Variants in ITGAM observed in about 807,000 individuals in gnomAD.
ITGAM encodes the protein integrin subunit alpha M.
In ITGAM, 79 loss-of-function variants were observed where a neutral mutation model predicts 137.5. The observed-to-expected ratio is 0.57, with a 90% CI of 0.48 to 0.69. The LOEUF is 0.69. Ranked by LOEUF, ITGAM falls within the 30% of genes least tolerant of loss-of-function variation. ITGAM has a pLI of 0.00. For missense variants in ITGAM, 1,343 were observed against 1,483.5 expected, an observed-to-expected ratio of 0.91 and a Z score of 1.56; for synonymous variants, 583 against 592.3, an observed-to-expected ratio of 0.98 and a Z score of 0.23.
intron 14 of ITGAM, among the ~76,000 whole-genome samples, chr16:31,310,726 C>T (rs546182187): frequency 1.3e-5 from 2 of 152,276 alleles, no homozygotes; most frequent in East Asian, 3.9e-4. Flanking sequence ...AGCTTTGTTC[C>T]GTTGCTGGTG....
At chr16:31,321,166 A>G in intron 14 of ITGAM, 75 bp from the exon 15 acceptor site, 1 of 1,544,110 alleles carries the variant, frequency 6.5e-7, no homozygotes, top group South Asian at 1.2e-5. Flanking sequence ...TGTCTGGGCC[A>G]TGCTGGATGA....
In ITGAM at chr16:31,297,654, G is replaced by C; in HGVS notation, c.1497G>C (p.Gly499=). 1 of 1,612,292 alleles carries C rather than the reference G, an allele frequency of 6.2e-7. No homozygotes were observed. The highest frequency in any genetic ancestry group is 8.5e-7 in the Non-Finnish European group (1 of 1,179,412). ...TGTCCGTGTGCCCCTTGCCCAGGGG[G>C]GTGAGTGGCAATGGGACCTGGGCTG... ...GQVSVCPLPR[G]RARWQCDAVL... Residue 499 remains glycine (G), a splice_region_variant and synonymous_variant, in exon 13 of 30, where the codon GGG becomes GGC. Coordinates refer to ENST00000544665, the MANE Select transcript of ITGAM (RefSeq NM_000632.4).
intron 12 of ITGAM, among the ~76,000 whole-genome samples, chr16:31,292,051 C>G (rs190628044): frequency 1.3e-5 from 2 of 151,834 alleles, no homozygotes; most frequent in Non-Finnish European, 2.9e-5. Flanking sequence ...CACATGTTCC[C>G]TATAAATATG....
At chr16:31,271,116 C>A (rs2079834990) in intron 6 of ITGAM, 32 bp downstream of exon 6, 3 of 1,473,924 alleles carry the variant, frequency 2.0e-6, no homozygotes, top group African/African-American at 2.8e-5. Flanking sequence ...AGGGAAGAGC[C>A]CACACGGGGC....
At chr16:31,326,395 C>T (rs2080508575) in intron 21 of ITGAM, among the ~76,000 whole-genome samples, 1 of 152,006 alleles carries the variant, frequency 6.6e-6, no homozygotes, top group African/African-American at 2.4e-5. Flanking sequence ...TACCTCATTG[C>T]TTTAAAAAAA....
intron 14 of ITGAM, among the ~76,000 whole-genome samples, chr16:31,316,316 G>A (rs1173968110): frequency 6.6e-6 from 1 of 151,026 alleles, no homozygotes; most frequent in Non-Finnish European, 1.5e-5. Flanking sequence ...GAACCTGGGA[G>A]GAAGAGGTTG....
At chr16:31,276,896 A>C (rs1237567608) in intron 10 of ITGAM, 24 bp from the exon 11 acceptor site, 1 of 1,604,182 alleles carries the variant, frequency 6.2e-7, no homozygotes, top group African/African-American at 1.3e-5. Context: ...CTTCCTCATC[A>C]ACCCTGTTCT....
At chr16:31,311,668 C>T (rs1331783835) in intron 14 of ITGAM, among the ~76,000 whole-genome samples, 3 of 152,118 alleles carry the variant, frequency 2.0e-5, no homozygotes, top group Non-Finnish European at 4.4e-5. Flanking sequence ...GAAATAGGAA[C>T]ACTTTTACAC....
At position 31,277,083 on chromosome 16, in the gene ITGAM, G is replaced by A. The variant is rs543274791; in HGVS notation, c.1213+34G>A. On this transcript the variant is annotated intron_variant, in intron 11 of 29. Transcript: ENST00000544665. ...GGAGGGCAAGGGTTACTCTAAGAAG[G>A]GGTGAGGATTTGGCATAAGTCAACT... is the stretch of plus-strand genomic sequence containing the variant. 3.8e-6 allele frequency: 6 copies of A among 1,578,516 alleles called. No homozygotes were observed. In the South Asian group the frequency reaches 4.7e-5, roughly 12 times the overall value.
intron 12 of ITGAM, among the ~76,000 whole-genome samples, chr16:31,281,993 G>A (rs2079974559): frequency 6.6e-6 from 1 of 152,170 alleles, no homozygotes; most frequent in Non-Finnish European, 1.5e-5. Flanking sequence ...AGTCATTCAG[G>A]AGCAGGTTGT....
chr16:31,327,175 G>T (rs1202213082), intron 22 of ITGAM, among the ~76,000 whole-genome samples: 1 of 152,200 alleles, frequency 6.6e-6, no homozygotes, highest in Non-Finnish European at 1.5e-5. Context: ...GGCAAAGACA[G>T]ACAAGAAATC....
At chr16:31,285,802 CTTT>C (rs909613572) in intron 12 of ITGAM, among the ~76,000 whole-genome samples, 1 of 143,666 alleles carries the variant, frequency 7.0e-6, no homozygotes. Flanking sequence ...TTTTCTCTCT[CTTT>C]TTTTTTTTTT....
intron 12 of ITGAM, among the ~76,000 whole-genome samples, chr16:31,282,673 A>G (rs1272166713): frequency 5.3e-5 from 8 of 152,098 alleles, no homozygotes; most frequent in Non-Finnish European, 8.8e-5. Context: ...TCTTTATCCA[A>G]TTTGCCAGTC....
rs748878786 is a variant in ITGAM at position 31,328,109 on chromosome 16, T to TTG, written c.2709-37_2709-36insGT. The TTG allele has an allele frequency of 7.2e-6, 11 of 1,520,872 alleles. No homozygotes were observed. In the Admixed American group the frequency reaches 1.8e-4, roughly 25 times the overall value. 94.2% of individuals were successfully genotyped at this position (1,520,872 alleles called of 1,614,324 possible). On this transcript the variant is annotated intron_variant, in intron 22 of 29. Transcript: ENST00000544665. ...GGGAGGAGCAAAGACTAACTGTCAG[T>TTG]TCTCAAGAGCCGGCTGGAGCTCTTT...
chr16:31,325,644 C>T, intron 21 of ITGAM, 22 bp downstream of exon 21: 1 of 1,599,920 alleles, frequency 6.3e-7, no homozygotes, highest in East Asian at 2.2e-5. Flanking sequence ...TGGCTCCTCC[C>T]CTCCTTTTCT....
At chr16:31,274,222 A>G (rs1261280151) in intron 8 of ITGAM, among the ~76,000 whole-genome samples, 1 of 152,252 alleles carries the variant, frequency 6.6e-6, no homozygotes, top group African/African-American at 2.4e-5. Flanking sequence ...AAGTCAGTCA[A>G]TATTGCAAAC....
rs761159520 is a variant in ITGAM at position 31,326,983 on chromosome 16, C to T, written c.2708+48C>T. 8 of 1,395,478 alleles carry T rather than the reference C, an allele frequency of 5.7e-6. No individual in the cohort carries two copies. In the African/African-American group the frequency reaches 9.9e-5, roughly 17 times the overall value. 86.4% of individuals were successfully genotyped at this position (1,395,478 alleles called of 1,614,324 possible). On this transcript the variant is annotated intron_variant, in intron 22 of 29. Transcript: ENST00000544665. The stretch of plus-strand genomic sequence containing the variant: ...TGCAGGCAGTTGCCCGTCTGACGCC[C>T]CAGCCCCTGGCCCATGGTGGGCCTT...
At chr16:31,280,228 T>C (rs1360639787) in intron 12 of ITGAM, among the ~76,000 whole-genome samples, 2 of 152,348 alleles carry the variant, frequency 1.3e-5, no homozygotes, top group Admixed American at 6.5e-5. Flanking sequence ...GGGCTCTTTT[T>C]TGGTTCCACA....
chr16:31,272,455 ATATATATATTTTTT>A (rs2079858696), intron 7 of ITGAM, among the ~76,000 whole-genome samples: 1 of 11,408 alleles, frequency 8.8e-5, no homozygotes, highest in African/African-American at 4.3e-4. Flanking sequence ...ATATATATAT[ATATATATATTTTTT>A]TTTTTTTTTT....
Sources: gnomAD v4.1 joint callset for allele counts (sites outside exome capture counted in the v4.1 genomes callset) on GRCh38, gnomAD v4.1.1 for gene constraint, MANE v1.5 for transcripts, NCBI Gene and HGNC (gene_info 2026-07-23, HGNC 2026-07-21) for gene names.